ACSL5: variants seen among roughly 807,000 people sequenced by gnomAD.
ACSL5 encodes long-chain-fatty-acid--CoA ligase 5.
ACSL5 carries 50 observed loss-of-function variants against 84.9 expected under a neutral mutation model. The ratio of observed to expected loss-of-function variants is 0.59; its 90% CI spans 0.47 to 0.75. The LOEUF (loss-of-function observed/expected upper bound fraction) is 0.75. Ranked by LOEUF, ACSL5 falls within the 30% of genes least tolerant of loss-of-function variation. The pLI, the probability that ACSL5 is intolerant of heterozygous loss-of-function variation, is 0.00. For missense variants in ACSL5, 775 were observed against 830.4 expected (o/e 0.93, Z 0.82); for synonymous variants, 280 against 300.7 (o/e 0.93, Z 0.71).
chr10:112,407,676 G>A (rs1299263019), intron 5 of ACSL5, among the ~76,000 whole-genome samples: 1 of 152,160 alleles, frequency 6.6e-6, no homozygotes, highest in Non-Finnish European at 1.5e-5. Flanking sequence ...TGGGGACACA[G>A]CCAAACCATA....
chr10:112,395,311 C>T (rs57713932), intron 2 of ACSL5, among the ~76,000 whole-genome samples: 1,729 of 152,298 alleles, frequency 0.011, 21 homozygotes, highest in African/African-American at 0.033. Flanking sequence ...TGTCAGTAAT[C>T]TAGATTGGAG....
intron 1 of ACSL5, among the ~76,000 whole-genome samples, chr10:112,379,427 A>AG (rs925552101): frequency 1.3e-5 from 2 of 151,078 alleles, no homozygotes; most frequent in African/African-American, 2.4e-5. Flanking sequence ...AAAAAAAAAA[A>AG]AGAGATGAGG....
chr10:112,395,050 C>T lies in ACSL5; in HGVS notation c.104C>T (p.Pro35Leu). Residue 35 changes from proline to leucine, a missense_variant, in exon 2 of 21, where the codon CCT becomes CTT. Coordinates refer to ENST00000354655, the MANE Select transcript of ACSL5 (RefSeq NM_203379.2). ...ATCTTCTTGTGGCTGATCACCAGAC[C>T]TCAACCCGTCTTACCTCTTCTTGAC... ...AAIFLWLITRPQPVLPLLDLN... is the reference protein window; with the variant it reads ...AAIFLWLITRLQPVLPLLDLN... The T allele has an allele frequency of 1.9e-6, 3 of 1,614,046 alleles. No homozygotes were observed. Among genetic ancestry groups the T allele is most frequent in the Non-Finnish European group, 2.5e-6 (3 of 1,180,012 alleles).
intron 1 of ACSL5, among the ~76,000 whole-genome samples, chr10:112,381,333 G>A (rs1849343797): frequency 6.6e-6 from 1 of 152,124 alleles, no homozygotes; most frequent in Admixed American, 6.5e-5. Context: ...ATGGCACAGT[G>A]CTGAACACAC....
rs1267728715 is a variant in ACSL5, at chr10:112,404,720, G to A, written c.346G>A (p.Glu116Lys). 1 of 1,613,924 alleles carries A rather than the reference G, an allele frequency of 6.2e-7. No individual in the cohort carries two copies. The highest frequency in any genetic ancestry group is 1.3e-5 in the African/African-American group (1 of 75,022). ...TTTTTTGTAGGTGTCTGATAGAGCA[G>A]AGTACCTGGGTTCCTGTCTCTTGCA... ...LSYKQVSDRAEYLGSCLLHKG... is the reference protein window; with the variant it reads ...LSYKQVSDRAKYLGSCLLHKG... Residue 116 changes from glutamate to lysine, a missense_variant, in exon 5 of 21, where the codon GAG becomes AAG. Glu to Lys is a moderately conservative substitution (Grantham distance 56). Transcript: ENST00000354655.
chr10:112,415,268 C>T (rs563571426), intron 12 of ACSL5, among the ~76,000 whole-genome samples: 6 of 152,206 alleles, frequency 3.9e-5, no homozygotes, highest in East Asian at 3.9e-4. Context: ...GGCACGATCT[C>T]GGCTCACTGC....
At chr10:112,380,843 G>A (rs1244748974) in intron 1 of ACSL5, among the ~76,000 whole-genome samples, 5 of 152,042 alleles carry the variant, frequency 3.3e-5, no homozygotes, top group South Asian at 2.1e-4. Flanking sequence ...GTGCAGTGGC[G>A]GGATCATGGA....
intron 13 of ACSL5, among the ~76,000 whole-genome samples, chr10:112,417,385 C>A (rs1183161055): frequency 1.3e-5 from 2 of 151,800 alleles, no homozygotes; most frequent in Non-Finnish European, 2.9e-5. Flanking sequence ...TGCCTGTAAT[C>A]CCAGCTACAT....
rs1843788180 is a variant in ACSL5, at chr10:112,398,066, T to C, written c.157-835T>C. Among the ~76,000 whole-genome samples, 2 of 7,698 alleles carry C rather than the reference T, an allele frequency of 2.6e-4. 1 individual carries two copies. Among genetic ancestry groups the C allele is most frequent in the Non-Finnish European group, 5.3e-4 (2 of 3,758 alleles). The allele number at this position is 7,698 out of a possible 152,430, so 5.1% of individuals were successfully genotyped here. A position where few individuals can be genotyped will look rare whatever the true frequency, so the allele number is the denominator to read the frequency against. ...CTTTTTTTTTTTTTTTTTTTTTTTTTTTTTTTTTTTTTTTTTTGAGACGGA... is the reference window on the plus strand; with the variant it reads ...CTTTTTTTTTTTTTTTTTTTTTTTTCTTTTTTTTTTTTTTTTTGAGACGGA... On this transcript the variant is annotated intron_variant, in intron 2 of 20. Coordinates refer to ENST00000354655, the MANE Select transcript of ACSL5 (RefSeq NM_203379.2).
intron 12 of ACSL5, among the ~76,000 whole-genome samples, chr10:112,416,470 CAAAAAAAAAAAAA>C (rs35770074): frequency 1.7e-5 from 1 of 58,398 alleles, no homozygotes; most frequent in Non-Finnish European, 3.3e-5. Flanking sequence ...GACTCTGTCT[CAAAAAAAAAAAAA>C]AAAAAAAAAA....
chr10:112,423,351 G>T (rs950765800), intron 17 of ACSL5, among the ~76,000 whole-genome samples: 1 of 147,520 alleles, frequency 6.8e-6, no homozygotes, highest in African/African-American at 2.5e-5. Context: ...GCCAAAGCTA[G>T]AAAGTCTTTC....
chr10:112,375,063 G>T (rs943260), intron 1 of ACSL5, among the ~76,000 whole-genome samples: 33,689 of 150,868 alleles, frequency 0.22, 3,893 homozygotes, highest in Middle Eastern at 0.29. Flanking sequence ...AAAAAAAAAA[G>T]AAATAAAACC....
intron 7 of ACSL5, 86 bp from the exon 8 acceptor site, chr10:112,410,377 A>G (rs1267800227): frequency 5.6e-6 from 9 of 1,601,016 alleles, no homozygotes; most frequent in Non-Finnish European, 6.8e-6. Context: ...AGATGTTCTC[A>G]CGGGAAAGGG....
intron 1 of ACSL5, among the ~76,000 whole-genome samples, chr10:112,379,256 C>T (rs9787487): frequency 0.49 from 73,863 of 151,732 alleles, 18,070 homozygotes; most frequent in South Asian, 0.58. Flanking sequence ...AATACAAAAG[C>T]TAGCTGGGCG....
chr10:112,412,498 G>A (rs1372387451), intron 11 of ACSL5: 1 of 153,372 alleles, frequency 6.5e-6, no homozygotes, highest in Non-Finnish European at 1.5e-5. Flanking sequence ...TCTTCTGTGA[G>A]TGGACTCCAG....
chr10:112,398,041 C>CTTTTTTT lies in ACSL5; in HGVS notation c.157-824_157-818dup, dbSNP rs1188049832. On this transcript the variant is annotated intron_variant, in intron 2 of 20. Transcript: ENST00000354655. ...TGGGTGGGATTACAGATCCACTTTT[C>CTTTTTTT]TTTTTTTTTTTTTTTTTTTTTTTTT... is the stretch of plus-strand genomic sequence containing the variant. Among the ~76,000 whole-genome samples, 15 of 5,460 alleles carry CTTTTTTT rather than the reference C, an allele frequency of 2.7e-3. 7 individuals are homozygous for CTTTTTTT. The highest frequency in any genetic ancestry group is 6.1e-3 in the Non-Finnish European group (13 of 2,146). 3.6% of individuals were successfully genotyped at this position (5,460 alleles called of 152,430 possible). A position where few individuals can be genotyped will look rare whatever the true frequency, so the allele number is the denominator to read the frequency against.
At chr10:112,390,397 A>T (rs1017429595) in intron 1 of ACSL5, among the ~76,000 whole-genome samples, 3 of 152,194 alleles carry the variant, frequency 2.0e-5, no homozygotes, top group Admixed American at 1.3e-4. Flanking sequence ...TGTTAGGGAG[A>T]AGGGAAAGAA....
chr10:112,375,062 A>AT (rs1564727216), intron 1 of ACSL5, among the ~76,000 whole-genome samples: 3 of 145,056 alleles, frequency 2.1e-5, no homozygotes, highest in African/African-American at 7.9e-5. Context: ...TAAAAAAAAA[A>AT]GAAATAAAAC....
intron 11 of ACSL5, chr10:112,412,359 T>C (rs1844197648): frequency 5.0e-6 from 1 of 198,962 alleles, no homozygotes; most frequent in Admixed American, 5.3e-5. Context: ...GAAAAGGAAG[T>C]TCCCTACAGA....
Sources: gnomAD v4.1 joint callset for allele counts (sites outside exome capture counted in the v4.1 genomes callset) on GRCh38, gnomAD v4.1.1 for gene constraint, MANE v1.5 for transcripts, NCBI Gene and HGNC (gene_info 2026-07-23, HGNC 2026-07-21) for gene names.